SOX5: variants seen among roughly 807,000 people sequenced by gnomAD.
SOX5 encodes transcription factor SOX-5.
Under a neutral mutation model 92.0 loss-of-function variants are expected in SOX5, and 9 were observed. The ratio of observed to expected loss-of-function variants is 0.10; its 90% confidence interval spans 0.06 to 0.17. The LOEUF is 0.17. Ranked by LOEUF, SOX5 falls within the 10% of genes least tolerant of loss-of-function variation. The probability of loss-of-function intolerance (pLI) is 1.00; values close to 1 mark genes in which losing one functional copy is unlikely to be tolerated. For synonymous variants in SOX5, 344 were observed against 336.3 expected (o/e 1.02, Z -0.25); for missense variants, 642 against 944.5 (o/e 0.68, Z 4.20).
intron 9 of SOX5, among the ~76,000 whole-genome samples, chr12:23,589,880 G>T (rs529108140): frequency 7.2e-5 from 11 of 152,008 alleles, no homozygotes; most frequent in South Asian, 6.2e-4. Flanking sequence ...TATTGTGCTT[G>T]GTGCTAAGGA....
At chr12:23,934,253 C>T (rs537705062) in intron 1 of SOX5, among the ~76,000 whole-genome samples, 4 of 151,374 alleles carry the variant, frequency 2.6e-5, no homozygotes, top group Admixed American at 1.3e-4. Flanking sequence ...TAAACATAAA[C>T]TTCATTATGA....
rs73283818 is a variant in SOX5 at position 24,017,815 on chromosome 12, C to T, written c.-1-121791G>A. Among the ~76,000 whole-genome samples, 1,130 of 152,114 alleles carry T rather than the reference C, an allele frequency of 7.4e-3. 15 individuals are homozygous for T. Among genetic ancestry groups the T allele is most frequent in the African/African-American group, 0.025 (1,045 of 41,484 alleles). ...CCTATCACCGTCACTTTCAGATGAC[C>T]TCACTTCCCACAGAGATGTACTACC... is the stretch of plus-strand genomic sequence containing the variant. On this transcript the variant is annotated intron_variant, in intron 4 of 4. Transcript: ENST00000446891.
intron 2 of SOX5, among the ~76,000 whole-genome samples, chr12:24,303,330 T>C (rs553279415): frequency 1.1e-4 from 16 of 152,294 alleles, no homozygotes; most frequent in Middle Eastern, 3.4e-3. Context: ...ATACAGAGTA[T>C]AGGGGACAAA....
intron 3 of SOX5, among the ~76,000 whole-genome samples, chr12:24,228,700 C>A (rs562648193): frequency 1.4e-4 from 22 of 152,242 alleles, no homozygotes; most frequent in Non-Finnish European, 1.5e-4. Flanking sequence ...CTCACACATG[C>A]ATGCATGCAC....
chr12:24,007,159 ATACATTTATATATGTATTT>A (rs1280723444), intron 4 of SOX5, among the ~76,000 whole-genome samples: 157 of 70,734 alleles, frequency 2.2e-3, no homozygotes, highest in Middle Eastern at 6.2e-3. Flanking sequence ...ATATATATAT[ATACATTTATATATGTATTT>A]ATATATATAA....
intron 1 of SOX5, among the ~76,000 whole-genome samples, chr12:24,448,841 T>G (rs1041986650): frequency 4.6e-5 from 7 of 152,120 alleles, no homozygotes; most frequent in African/African-American, 1.7e-4. Flanking sequence ...AATTGCTGCT[T>G]TGACCTCTCC....
intron 1 of SOX5, among the ~76,000 whole-genome samples, chr12:24,559,745 G>A (rs763892307): frequency 6.6e-6 from 1 of 152,060 alleles, no homozygotes; most frequent in Non-Finnish European, 1.5e-5. Flanking sequence ...TCACTCTTTT[G>A]CTATTTACTA....
chr12:23,676,869 T>C (rs995433871), intron 6 of SOX5, among the ~76,000 whole-genome samples: 1 of 152,210 alleles, frequency 6.6e-6, no homozygotes, highest in Non-Finnish European at 1.5e-5. Flanking sequence ...TGACATTATT[T>C]GTGTCTGTCT....
At chr12:24,194,137 C>T (rs1260148472) in intron 4 of SOX5, among the ~76,000 whole-genome samples, 1 of 152,166 alleles carries the variant, frequency 6.6e-6, no homozygotes, top group African/African-American at 2.4e-5. Context: ...TGACATCTTT[C>T]CCATGTACCT....
chr12:24,461,426 A>C (rs1943615857), intron 1 of SOX5, among the ~76,000 whole-genome samples: 1 of 152,200 alleles, frequency 6.6e-6, no homozygotes, highest in Non-Finnish European at 1.5e-5. Context: ...GTTTTTGCCC[A>C]AATGCATAAA....
intron 12 of SOX5, 97 bp from the exon 13 acceptor site, chr12:23,543,481 G>C (rs994718807): frequency 3.4e-6 from 3 of 878,276 alleles, no homozygotes; most frequent in Non-Finnish European, 5.3e-6. Flanking sequence ...TATCTGAAAA[G>C]AAAAAGTACT....
intron 4 of SOX5, among the ~76,000 whole-genome samples, chr12:23,997,634 T>C (rs1951161078): frequency 6.6e-6 from 1 of 152,150 alleles, no homozygotes; most frequent in South Asian, 2.1e-4. Flanking sequence ...AAGTAAAAGA[T>C]GGGGCGGATT....
intron 1 of SOX5, among the ~76,000 whole-genome samples, chr12:23,945,767 C>T (rs1944487885): frequency 6.6e-6 from 1 of 152,142 alleles, no homozygotes; most frequent in African/African-American, 2.4e-5. Flanking sequence ...GATAACTTTT[C>T]TGTGATTCAC....
intron 1 of SOX5, among the ~76,000 whole-genome samples, chr12:23,904,273 A>C (rs1478251550): frequency 6.6e-6 from 1 of 152,102 alleles, no homozygotes; most frequent in Non-Finnish European, 1.5e-5. Flanking sequence ...CCTTGCCATC[A>C]GTTTCTGATA....
intron 6 of SOX5, among the ~76,000 whole-genome samples, chr12:23,723,800 CATT>C (rs1419022405): frequency 6.6e-6 from 1 of 151,758 alleles, no homozygotes; most frequent in East Asian, 1.9e-4. Context: ...AAAACCTTCT[CATT>C]AGTTATTTTA....
intron 4 of SOX5, among the ~76,000 whole-genome samples, chr12:24,135,790 C>G (rs947895982): frequency 7.2e-5 from 11 of 151,852 alleles, no homozygotes; most frequent in African/African-American, 2.7e-4. Context: ...GCAGGCAGTC[C>G]AAGTGGAGGG....
chr12:24,197,137 G>A (rs1310234839), intron 4 of SOX5, among the ~76,000 whole-genome samples: 2 of 152,166 alleles, frequency 1.3e-5, no homozygotes, highest in African/African-American at 2.4e-5. Context: ...CATTTTGGAA[G>A]GCAGAAAGAA....
chr12:23,540,856 T>G (rs1565649543), intron 13 of SOX5, among the ~76,000 whole-genome samples: 1 of 152,328 alleles, frequency 6.6e-6, no homozygotes, highest in Non-Finnish European at 1.5e-5. Context: ...AGCGGCATGC[T>G]GTCGGAGGCT....
chr12:24,270,338 T>C (rs1036346769), intron 3 of SOX5, among the ~76,000 whole-genome samples: 3 of 152,108 alleles, frequency 2.0e-5, no homozygotes, highest in Non-Finnish European at 4.4e-5. Flanking sequence ...GGATTACAAG[T>C]GTAAGCACCA....
Sources: allele counts gnomAD v4.1 joint callset (sites outside exome capture counted in the v4.1 genomes callset), GRCh38; gene constraint gnomAD v4.1.1; transcripts MANE v1.5; gene names NCBI Gene and HGNC (gene_info 2026-07-23, HGNC 2026-07-21).